Variants in SLC39A14 observed in about 807,000 individuals in gnomAD.
SLC39A14 encodes the protein solute carrier family 39 member 14.
Under a neutral mutation model 45.5 loss-of-function variants are expected in SLC39A14, and 19 were observed. The ratio of observed to expected loss-of-function variants is 0.42; its 90% CI spans 0.29 to 0.61. The LOEUF is 0.61. Among genes scored for constraint, SLC39A14 ranks in the 20% least tolerant of loss-of-function variants. The pLI is 0.22. For synonymous variants in SLC39A14, 264 were observed against 251.3 expected (o/e 1.05, Z -0.48); for missense variants, 447 against 616.5 (o/e 0.73, Z 2.91).
intron 1 of SLC39A14, among the ~76,000 whole-genome samples, chr8:22,368,473 G>A (rs985279666): frequency 9.9e-5 from 15 of 151,726 alleles, no homozygotes; most frequent in Admixed American, 3.3e-4. Context: ...ATACAATTCC[G>A]TAATCCTTCC....
At chr8:22,426,776 C>T (rs1246606799), downstream of SLC39A14, among the ~76,000 whole-genome samples, 6 of 152,078 alleles carry the variant, frequency 3.9e-5, no homozygotes, top group East Asian at 1.2e-3. Context: ...CTCCGCCTCC[C>T]AGGTTCAAGC....
intron 1 of SLC39A14, among the ~76,000 whole-genome samples, chr8:22,388,562 G>A (rs76495734): frequency 0.029 from 4,407 of 151,238 alleles, 206 homozygotes; most frequent in African/African-American, 0.1. Flanking sequence ...GGGAGGGGCG[G>A]TGATGAAGTG....
chr8:22,417,665 C>T lies in SLC39A14; in HGVS notation c.1162C>T (p.Leu388=). 6.2e-7 allele frequency: 1 copy of T among 1,613,548 alleles called. No homozygotes were observed. The part of the protein sequence containing the change: ...FPHELGDFVI[L]LNAGMSIQQA... ...CGCTGCTGTAGGAGACTTTGTCATC[C>T]TGCTCAACGCTGGGATGAGCATCCA... Residue 388 remains leucine, a synonymous_variant, in exon 8 of 9, where the codon CTG becomes TTG. Coordinates refer to ENST00000381237, the MANE Select transcript of SLC39A14 (RefSeq NM_001128431.4).
Position 22,421,217 on chromosome 8 carries a change from A to G in SLC39A14, c.*1519A>G, listed in dbSNP as rs1320672308. 2 of 985,866 alleles carry G rather than the reference A, an allele frequency of 2.0e-6. No homozygotes were observed. The highest frequency in any genetic ancestry group is 9.4e-5 in the South Asian group (2 of 21,290). The allele number at this position is 985,866 out of a possible 1,614,324, so 61.1% of individuals were successfully genotyped here. A position where few individuals can be genotyped will look rare whatever the true frequency, so the allele number is the denominator to read the frequency against. On this transcript the variant is annotated 3_prime_UTR_variant, in exon 9 of 9. Coordinates refer to ENST00000381237, the MANE Select transcript of SLC39A14 (RefSeq NM_001128431.4). The stretch of plus-strand genomic sequence containing the variant: ...ATTCATGTGCATGGCTGACAGGAGT[A>G]CTGGTTCACTACCAATGCCTGAGCT...
chr8:22,369,700 G>A (rs187947597), intron 1 of SLC39A14, among the ~76,000 whole-genome samples: 5 of 152,280 alleles, frequency 3.3e-5, no homozygotes, highest in Admixed American at 6.5e-5. Flanking sequence ...TCCTGGCCCC[G>A]TCACTCTCCA....
intron 1 of SLC39A14, among the ~76,000 whole-genome samples, chr8:22,378,764 G>A (rs1480854855): frequency 6.6e-6 from 1 of 152,190 alleles, no homozygotes; most frequent in African/African-American, 2.4e-5. Context: ...TCCCAGGAGT[G>A]ACGTCTCATA....
chr8:22,408,183 A>G, intron 2 of SLC39A14, 127 bp from the exon 3 acceptor site: 1 of 832,224 alleles, frequency 1.2e-6, no homozygotes, highest in Non-Finnish European at 1.9e-6. Flanking sequence ...TGAATCTACA[A>G]ATTCCCTGAA....
intron 8 of SLC39A14, among the ~76,000 whole-genome samples, chr8:22,433,588 G>A (rs895279153): frequency 2.2e-5 from 3 of 137,882 alleles, no homozygotes; most frequent in Admixed American, 7.9e-5. Context: ...CTGTCACCAA[G>A]GCTGGAATGC....
Position 22,420,817 on chromosome 8 carries a change from C to T in SLC39A14, c.*1119C>T, listed in dbSNP as rs116076348. On this transcript the variant is annotated 3_prime_UTR_variant, in exon 9 of 9. Coordinates refer to ENST00000381237, the MANE Select transcript of SLC39A14 (RefSeq NM_001128431.4). ...AGGGCACAAACTTCACTTAGGGCAT[C>T]GCAGATGTTTGCAGAATGGTTGGCC... 7.7e-4 allele frequency: 759 copies of T among 985,366 alleles called. 4 individuals are homozygous for T. In the African/African-American group the frequency reaches 0.012, roughly 16 times the overall value. 61.0% of individuals were successfully genotyped at this position (985,366 alleles called of 1,614,324 possible). A position where few individuals can be genotyped will look rare whatever the true frequency, so the allele number is the denominator to read the frequency against.
intron 7 of SLC39A14, 60 bp from the exon 8 acceptor site, chr8:22,417,591 C>T: frequency 7.0e-7 from 1 of 1,419,018 alleles, no homozygotes; most frequent in East Asian, 2.3e-5. Flanking sequence ...GGTGTGCATT[C>T]ACCATGCCCA....
chr8:22,429,625 C>T (rs951106324), intron 8 of SLC39A14, among the ~76,000 whole-genome samples: 1 of 152,160 alleles, frequency 6.6e-6, no homozygotes, highest in Non-Finnish European at 1.5e-5. Flanking sequence ...TTGGGAGCAG[C>T]ATGGGGATGG....
chr8:22,404,642 A>C (rs12676666), intron 1 of SLC39A14, 54 bp from the exon 2 acceptor site: 200 of 1,550,324 alleles, frequency 1.3e-4, no homozygotes, highest in East Asian at 1.2e-3. Flanking sequence ...GGCCTGGCGC[A>C]GTTGCCGGCA....
intron 2 of SLC39A14, among the ~76,000 whole-genome samples, chr8:22,406,508 A>G (rs1443894995): frequency 6.6e-6 from 1 of 152,108 alleles, no homozygotes; most frequent in Non-Finnish European, 1.5e-5. Flanking sequence ...CCTGGCTAAC[A>G]CGGTGAAACT....
intron 3 of SLC39A14, among the ~76,000 whole-genome samples, chr8:22,411,284 G>A (rs1465547402): frequency 6.6e-6 from 1 of 152,238 alleles, no homozygotes; most frequent in Non-Finnish European, 1.5e-5. Flanking sequence ...CCTGGACAGA[G>A]TGTCACAACT....
intron 8 of SLC39A14, among the ~76,000 whole-genome samples, chr8:22,429,100 G>A (rs573991181): frequency 2.0e-5 from 3 of 151,996 alleles, no homozygotes; most frequent in East Asian, 3.9e-4. Context: ...GTGAAACCCC[G>A]TCTCTACTAA....
At chr8:22,371,231 A>G (rs1159792078) in intron 1 of SLC39A14, among the ~76,000 whole-genome samples, 1 of 151,816 alleles carries the variant, frequency 6.6e-6, no homozygotes, top group Admixed American at 6.6e-5. Context: ...CTGTTGTTAG[A>G]ACTCCTAACC....
intron 1 of SLC39A14, chr8:22,398,728 A>G: frequency 2.0e-6 from 2 of 985,510 alleles, no homozygotes; most frequent in South Asian, 9.4e-5. Flanking sequence ...TGAACATCAC[A>G]GAAGCGTCTG....
intron 1 of SLC39A14, among the ~76,000 whole-genome samples, chr8:22,375,336 G>T (rs76848223): frequency 6.6e-6 from 1 of 151,902 alleles, no homozygotes. Context: ...TTGGGGGAAA[G>T]TCGATAATCC....
chr8:22,371,989 C>T (rs113367176), intron 1 of SLC39A14, among the ~76,000 whole-genome samples: 2,511 of 152,070 alleles, frequency 0.017, 60 homozygotes, highest in African/African-American at 0.056. Context: ...GTGATCCGCC[C>T]GCCTCAGCCT....
Sources: gnomAD v4.1 joint callset for allele counts (sites outside exome capture counted in the v4.1 genomes callset) on GRCh38, gnomAD v4.1.1 for gene constraint, MANE v1.5 for transcripts, NCBI Gene and HGNC (gene_info 2026-07-23, HGNC 2026-07-21) for gene names.